PNPLA6: variants seen among roughly 807,000 people sequenced by gnomAD.
PNPLA6 encodes patatin like domain 6, lysophospholipase.
Under a neutral mutation model 153.7 loss-of-function variants are expected in PNPLA6, and 105 were observed. The observed-to-expected ratio is 0.68, with a 90% CI of 0.58 to 0.80. The LOEUF (loss-of-function observed/expected upper bound fraction) is 0.80, where lower values mean the gene tolerates loss of function less well. Among genes scored for constraint, PNPLA6 ranks in the 30% least tolerant of loss-of-function variants. The pLI is 0.00. For synonymous variants in PNPLA6, 825 were observed against 822.2 expected (o/e 1.00, Z -0.06); for missense variants, 1,423 against 1,919.3 (o/e 0.74, Z 4.83).
Position 7,554,817 on chromosome 19 carries a change from G to T in PNPLA6, c.2635-76G>T, listed in dbSNP as rs1392331222. 3.2e-6 allele frequency: 5 copies of T among 1,572,412 alleles called. No homozygotes were observed. The East Asian group carries it at 1.1e-4, about 36-fold the overall frequency. ...AGGCCACGTGCACCCTCGCCATGGG[G>T]GTAGGCGATCAGGGACCCAGGTGTG... On this transcript the variant is annotated intron_variant, in intron 21 of 31. Coordinates refer to ENST00000600737, the MANE Select transcript of PNPLA6 (RefSeq NM_001166114.2).
In PNPLA6 at chr19:7,555,038, C is replaced by G; in HGVS notation, c.2780C>G (p.Pro927Arg). Reference protein sequence around the residue: ...WCSGHLHLRCPRRLFSRRSPA... With the variant: ...WCSGHLHLRCRRRLFSRRSPA... ...TCGGGGCACCTGCACCTGCGCTGTCCGCGCCGCCTCTTTTCGCGCCGCAGC... is the reference window on the plus strand; with the variant it reads ...TCGGGGCACCTGCACCTGCGCTGTCGGCGCCGCCTCTTTTCGCGCCGCAGC... The change falls in exon 22 of 32, where the codon CCG becomes CGG. Residue 927 changes from proline to arginine, a missense_variant. Physicochemically the swap from Pro to Arg is moderately radical, Grantham distance 103. Around this residue, in one of 10 missense-constraint regions of PNPLA6, gnomAD observed 643 missense variants for 835.2 expected, o/e 0.77. Coordinates refer to ENST00000600737, the MANE Select transcript of PNPLA6 (RefSeq NM_001166114.2). This position sits in a 1 kb window ranked among gnomAD's most constrained non-coding sequence, Gnocchi z 6.3. 1 of 1,593,426 alleles carries G rather than the reference C, an allele frequency of 6.3e-7. No homozygotes were observed. Among genetic ancestry groups the G allele is most frequent in the Non-Finnish European group, 8.5e-7 (1 of 1,178,262 alleles).
In PNPLA6 at chr19:7,541,706, G is replaced by A; in HGVS notation, c.1168+22G>A. On this transcript the variant is annotated intron_variant, in intron 9 of 31. Transcript: ENST00000600737. The surrounding 1 kb of genome is among the most constrained non-coding windows in gnomAD (Gnocchi z 5.2). ...ACAGGTACCCAGGGACCCGAGGCCAGCCGAGCCCAATCTCCCAGGAAGCCC... is the reference window on the plus strand; with the variant it reads ...ACAGGTACCCAGGGACCCGAGGCCAACCGAGCCCAATCTCCCAGGAAGCCC... 5 of 1,555,616 alleles carry A rather than the reference G, an allele frequency of 3.2e-6. No individual in the cohort carries two copies. The highest frequency in any genetic ancestry group is 4.3e-6 in the Non-Finnish European group (5 of 1,154,506).
intron 13 of PNPLA6, among the ~76,000 whole-genome samples, chr19:7,545,029 CT>C (rs112232890): frequency 0.27 from 40,163 of 146,100 alleles, 6,316 homozygotes; most frequent in African/African-American, 0.44. Context: ...CTCCTTGAAA[CT>C]TTTTTTTTTT....
chr19:7,549,344 A>G (rs1215415520), intron 13 of PNPLA6, among the ~76,000 whole-genome samples: 4 of 143,470 alleles, frequency 2.8e-5, no homozygotes, highest in East Asian at 4.3e-4. Flanking sequence ...CCGCCACCAC[A>G]CCCGGCTAAT....
intron 13 of PNPLA6, among the ~76,000 whole-genome samples, chr19:7,545,509 A>G (rs1023633696): frequency 6.6e-6 from 1 of 152,152 alleles, no homozygotes. Context: ...CTTATTTATA[A>G]AGGGATGGAA....
chr19:7,560,719 C>T lies in PNPLA6; in HGVS notation c.3771C>T (p.Leu1257=), dbSNP rs1248319434. The change falls in exon 29 of 32, where the codon CTC becomes CTT. Residue 1257 remains leucine (L), a synonymous_variant. Coordinates refer to ENST00000600737, the MANE Select transcript of PNPLA6 (RefSeq NM_001166114.2). ...GTGGCAACGTCATTGAGAAAATGCTCACAGACCGGCGGTCTACAGACCTTA... is the reference window on the plus strand; with the variant it reads ...GTGGCAACGTCATTGAGAAAATGCTTACAGACCGGCGGTCTACAGACCTTA... ...WSRGNVIEKM[L]TDRRSTDLNE... 2.5e-6 allele frequency: 4 copies of T among 1,613,820 alleles called. No homozygotes were observed. In the South Asian group the frequency reaches 3.3e-5, roughly 13 times the overall value.
At chr19:7,550,732 G>A in intron 16 of PNPLA6, 92 bp downstream of exon 16, 3 of 1,506,968 alleles carry the variant, frequency 2.0e-6, no homozygotes, top group Non-Finnish European at 9.0e-7. Context: ...CCAGGGAGTG[G>A]TGAATGCAGC....
intron 16 of PNPLA6, 175 bp downstream of exon 16, chr19:7,550,815 G>T: frequency 1.0e-6 from 1 of 963,740 alleles, no homozygotes; most frequent in Non-Finnish European, 1.6e-6. Flanking sequence ...GATTCCGCCT[G>T]TCGTGGATCC....
At position 7,553,976 on chromosome 19, in the gene PNPLA6, G is replaced by T. The variant is rs1206595559; in HGVS notation, c.2362G>T (p.Ala788Ser). 6.2e-7 allele frequency: 1 copy of T among 1,614,010 alleles called. No homozygotes were observed. Among genetic ancestry groups the T allele is most frequent in the Admixed American group, 1.7e-5 (1 of 60,000 alleles). The change falls in exon 19 of 32, where the codon GCC becomes TCC. Residue 788 changes from alanine to serine, a missense_variant. Ala to Ser is a moderately conservative substitution (Grantham distance 99). Transcript: ENST00000600737. ...LPVCAEVPMV[A>S]FTLELQHALQ... ...TGTGTGTGCTGAGGTCCCCATGGTG[G>T]CCTTCACGCTGGAGCTGCAGCACGC...
chr19:7,561,337 G>A lies in PNPLA6; in HGVS notation c.4023+20G>A, dbSNP rs1185523230. On this transcript the variant is annotated intron_variant, in intron 31 of 31. Coordinates refer to ENST00000600737, the MANE Select transcript of PNPLA6 (RefSeq NM_001166114.2). ...GAGATGGTGAGAGTGGGTGGCCCAG[G>A]GTCCCCTCACATCCCCCAGAGGGTC... 2 of 1,558,358 alleles carry A rather than the reference G, an allele frequency of 1.3e-6. No individual in the cohort carries two copies. Among genetic ancestry groups the A allele is most frequent in the Non-Finnish European group, 8.8e-7 (1 of 1,140,680 alleles).
chr19:7,545,810 C>T (rs754393821), intron 13 of PNPLA6, among the ~76,000 whole-genome samples: 15 of 150,920 alleles, frequency 9.9e-5, no homozygotes, highest in Non-Finnish European at 1.8e-4. Context: ...TACTCGGGAG[C>T]CTGAGGCAGG....
Position 7,536,468 on chromosome 19 carries a change from C to T in PNPLA6, c.335C>T (p.Ser112Phe). The T allele has an allele frequency of 1.9e-6, 3 of 1,612,910 alleles. No individual in the cohort carries two copies. The highest frequency in any genetic ancestry group is 2.5e-6 in the Non-Finnish European group (3 of 1,178,850). Residue 112 changes from serine to phenylalanine, a missense_variant, in exon 3 of 32, where the codon TCC becomes TTC. Physicochemically the swap from Ser to Phe is radical, Grantham distance 155. Coordinates refer to ENST00000600737, the MANE Select transcript of PNPLA6 (RefSeq NM_001166114.2). ...IMRKVSQSTS[S>F]LVDTSVSATS... ...TCCCAGGTGTCACAATCCACCTCCT[C>T]CCTCGTGGATACCTCTGTCTCCGCC...
At chr19:7,553,800 A>G in intron 18 of PNPLA6, 75 bp from the exon 19 acceptor site, 3 of 1,574,592 alleles carry the variant, frequency 1.9e-6, no homozygotes, top group Non-Finnish European at 2.6e-6. Context: ...AGGAAGAGGA[A>G]GAAGAGGAGG....
At chr19:7,536,083 C>T in intron 1 of PNPLA6, 63 bp downstream of exon 1, 1 of 1,578,574 alleles carries the variant, frequency 6.3e-7, no homozygotes, top group East Asian at 2.3e-5. Context: ...GCCCGGGTCC[C>T]GAGGCGGCAG....
At chr19:7,549,654 A>G (rs1319817012) in intron 13 of PNPLA6, 1 of 534,518 alleles carries the variant, frequency 1.9e-6, no homozygotes, top group Admixed American at 3.2e-5. Flanking sequence ...ACGCCCAGCT[A>G]ATTTTTTTAT....
Position 7,561,000 on chromosome 19 carries a change from G to A in PNPLA6, c.3817-14G>A. 2 of 1,594,010 alleles carry A rather than the reference G, an allele frequency of 1.3e-6. No homozygotes were observed. Among genetic ancestry groups the A allele is most frequent in the Non-Finnish European group, 1.7e-6 (2 of 1,166,764 alleles). On this transcript the variant is annotated splice_polypyrimidine_tract_variant and intron_variant, in intron 29 of 31. Coordinates refer to ENST00000600737, the MANE Select transcript of PNPLA6 (RefSeq NM_001166114.2). ...TGGGCCCCCCCTAAGAGCCTCACCA[G>A]TGTCACCCCACAGGTGCTTGCCTTC...
chr19:7,542,020 C>A lies in PNPLA6; in HGVS notation c.1205C>A (p.Ser402Ter), dbSNP rs372193709. Residue 402 changes from serine (S) to a stop codon, truncating the protein, a stop_gained, in exon 10 of 32, where the codon TCG (serine) becomes TAG (stop). Transcript: ENST00000600737. LOFTEE classifies it high-confidence loss of function. Reference protein sequence around the residue: ...PVKPTSLETPSAPLLSRCVSM... With the variant: ...PVKPTSLETP The stretch of plus-strand genomic sequence containing the variant: ...AAGCCCACATCCCTGGAAACCCCCT[C>A]GGCCCCTCTGCTGAGCCGCTGCGTC... 5 of 1,608,340 alleles carry A rather than the reference C, an allele frequency of 3.1e-6. No individual in the cohort carries two copies. In the South Asian group the frequency reaches 5.5e-5, roughly 18 times the overall value.
At chr19:7,534,487 C>T (rs2022749452), upstream of PNPLA6, 1 of 155,876 alleles carries the variant, frequency 6.4e-6, no homozygotes, top group Non-Finnish European at 1.4e-5. Flanking sequence ...CTCCCGGCCC[C>T]CGAATTTCCA....
chr19:7,555,750 G>A lies in PNPLA6; in HGVS notation c.3080G>A (p.Arg1027Gln). ...RSASRTKQRAREWAKSMTSVL... is the reference protein window; with the variant it reads ...RSASRTKQRAQEWAKSMTSVL... ...GCCAGCCGCACGAAGCAGCGGGCCC[G>A]GGAGTGGGCCAAGGTGTGTGTTGCG... The change falls in exon 24 of 32, where the codon CGG becomes CAG. Residue 1027 changes from arginine (R) to glutamine (Q), a missense_variant. Coordinates refer to ENST00000600737, the MANE Select transcript of PNPLA6 (RefSeq NM_001166114.2). This position sits in a 1 kb window ranked among gnomAD's most constrained non-coding sequence, Gnocchi z 6.3. 6.2e-7 allele frequency: 1 copy of A among 1,613,604 alleles called. No individual in the cohort carries two copies. Among genetic ancestry groups the A allele is most frequent in the Non-Finnish European group, 8.5e-7 (1 of 1,179,880 alleles).
Sources: allele counts gnomAD v4.1 joint callset (sites outside exome capture counted in the v4.1 genomes callset), GRCh38; gene constraint gnomAD v4.1.1; regional missense constraint gnomAD v4.1.1; non-coding constraint Gnocchi (gnomAD v3.1); transcripts MANE v1.5; gene names NCBI Gene and HGNC (gene_info 2026-07-23, HGNC 2026-07-21).